The following PICALM variants were observed in gnomAD, a reference collection of about 807,000 sequenced individuals.
PICALM encodes phosphatidylinositol binding clathrin assembly protein, also known as phosphatidylinositol-binding clathrin assembly protein.
Under a neutral mutation model 80.5 loss-of-function variants are expected in PICALM, and 40 were observed. The ratio of observed to expected loss-of-function variants is 0.50; its 90% CI spans 0.39 to 0.65. The LOEUF (loss-of-function observed/expected upper bound fraction) is 0.65, where lower values mean the gene tolerates loss of function less well. PICALM is among the 30% of genes least tolerant of loss of function. The pLI is 0.00. For missense variants in PICALM, 676 were observed against 778.9 expected (o/e 0.87, Z 1.57); for synonymous variants, 288 against 260.3 (o/e 1.11, Z -1.02).
At chr11:86,006,904 G>T (rs1015023687) in intron 8 of PICALM, among the ~76,000 whole-genome samples, 4 of 152,074 alleles carry the variant, frequency 2.6e-5, no homozygotes, top group Non-Finnish European at 4.4e-5. Context: ...TGTGTTTAAT[G>T]CTCTAATTTT....
At chr11:86,043,988 C>T (rs2096021348) in intron 1 of PICALM, among the ~76,000 whole-genome samples, 1 of 152,172 alleles carries the variant, frequency 6.6e-6, no homozygotes, top group South Asian at 2.1e-4. Flanking sequence ...TTTCATGAAG[C>T]TTTGCAAACC....
At chr11:85,969,593 C>T (rs552574706) in intron 19 of PICALM, 197 of 339,648 alleles carry the variant, frequency 5.8e-4, no homozygotes, top group Middle Eastern at 2.3e-3. Flanking sequence ...TAGCATTCTA[C>T]GGACAAAATT....
intron 6 of PICALM, among the ~76,000 whole-genome samples, chr11:86,011,720 A>C (rs150336667): frequency 2.0e-3 from 309 of 152,284 alleles, no homozygotes; most frequent in African/African-American, 7.1e-3. Context: ...AAACAGATTT[A>C]AATTTTTTAA....
At chr11:86,015,086 A>G in intron 4 of PICALM, 123 bp from the exon 5 acceptor site, 1 of 625,516 alleles carries the variant, frequency 1.6e-6, no homozygotes, top group Non-Finnish European at 2.7e-6. Context: ...ACATATTTTT[A>G]AGTCATTATG....
intron 4 of PICALM, among the ~76,000 whole-genome samples, chr11:86,015,180 A>C (rs1274670469): frequency 6.6e-6 from 1 of 152,204 alleles, no homozygotes; most frequent in Admixed American, 6.5e-5. Context: ...ACTCATTTAG[A>C]ACTAAAAAAG....
Position 86,023,474 on chromosome 11 carries a change from G to C in PICALM, c.350-1005C>G, listed in dbSNP as rs2095600363. The stretch of plus-strand genomic sequence containing the variant: ...CATTCCTCAGCTCTTCGGTTCATAT[G>C]GTTCTATCTACTATACCCCATCCTA... On this transcript the variant is annotated intron_variant, in intron 3 of 19. Coordinates refer to ENST00000393346, the MANE Select transcript of PICALM (RefSeq NM_007166.4). 6 of 984,902 alleles carry C rather than the reference G, an allele frequency of 6.1e-6. No homozygotes were observed. The South Asian group carries it at 2.8e-4, about 46-fold the overall frequency. The allele number at this position is 984,902 out of a possible 1,614,324, so 61.0% of individuals were successfully genotyped here.
chr11:86,024,926 C>A (rs753461297), intron 3 of PICALM, among the ~76,000 whole-genome samples: 1 of 152,132 alleles, frequency 6.6e-6, no homozygotes, highest in Non-Finnish European at 1.5e-5. Context: ...AAAGACATTT[C>A]CCTGATTGAG....
intron 19 of PICALM, among the ~76,000 whole-genome samples, chr11:85,962,476 T>C (rs1056410007): frequency 3.9e-5 from 6 of 152,304 alleles, no homozygotes; most frequent in African/African-American, 1.2e-4. Context: ...TTCACCAGGG[T>C]AGCAGTCTGA....
intron 14 of PICALM, among the ~76,000 whole-genome samples, chr11:85,983,264 C>T (rs747154993): frequency 2.0e-5 from 3 of 152,160 alleles, no homozygotes; most frequent in Non-Finnish European, 2.9e-5. Flanking sequence ...CAAAGTTTTA[C>T]AGGCACTTCA....
chr11:85,972,928 TGAGA>T (rs2094155023), intron 19 of PICALM, among the ~76,000 whole-genome samples: 1 of 152,120 alleles, frequency 6.6e-6, no homozygotes, highest in Non-Finnish European at 1.5e-5. Flanking sequence ...AAACCAGTAA[TGAGA>T]TTACTGCTGG....
intron 1 of PICALM, among the ~76,000 whole-genome samples, chr11:86,060,128 T>C (rs635168): frequency 0.82 from 124,424 of 152,012 alleles, 51,121 homozygotes; most frequent in African/African-American, 0.89. Flanking sequence ...CAAAATTACT[T>C]TGAGAATTCA....
At chr11:86,003,339 CT>C in intron 9 of PICALM, 26 bp downstream of exon 9, 14 of 1,406,870 alleles carry the variant, frequency 1.0e-5, no homozygotes, top group East Asian at 4.6e-5. Context: ...ATCACTCTGG[CT>C]TTTTGGCCTA....
At chr11:85,996,951 G>A (rs766936638) in intron 11 of PICALM, 22 bp from the exon 12 acceptor site, 22 of 1,540,614 alleles carry the variant, frequency 1.4e-5, no homozygotes, top group Admixed American at 3.4e-5. Context: ...TTTTGGAAAC[G>A]TGTTTTATTT....
At chr11:86,017,055 C>T (rs980350529) in intron 4 of PICALM, among the ~76,000 whole-genome samples, 1 of 152,070 alleles carries the variant, frequency 6.6e-6, no homozygotes, top group Non-Finnish European at 1.5e-5. Context: ...AACCCCATCT[C>T]TACTAAAAAA....
chr11:85,974,567 G>A, intron 19 of PICALM, 141 bp downstream of exon 19: 4 of 727,330 alleles, frequency 5.5e-6, no homozygotes, highest in South Asian at 1.4e-5. Flanking sequence ...TCTTATATAA[G>A]AAAGATATGA....
At chr11:85,997,515 G>A (rs1421228212) in intron 11 of PICALM, among the ~76,000 whole-genome samples, 1 of 152,198 alleles carries the variant, frequency 6.6e-6, no homozygotes. Flanking sequence ...CTGTCGCCCA[G>A]GATGGAGTGC....
At chr11:85,982,859 T>C (rs1177597444) in intron 14 of PICALM, among the ~76,000 whole-genome samples, 1 of 152,166 alleles carries the variant, frequency 6.6e-6, no homozygotes, top group African/African-American at 2.4e-5. Context: ...CTTTAAGTTT[T>C]CCTCACCAAA....
chr11:85,974,425 G>A (rs762186814), intron 19 of PICALM: 3 of 558,186 alleles, frequency 5.4e-6, no homozygotes, highest in East Asian at 4.5e-5. Flanking sequence ...GAATCACGAA[G>A]AGCAAGTAGG....
chr11:85,984,563 A>G (rs664050), intron 13 of PICALM, among the ~76,000 whole-genome samples: 89,940 of 151,932 alleles, frequency 0.59, 26,800 homozygotes, highest in East Asian at 0.67. Context: ...AAAACATCAA[A>G]GAAAAAAGAT....
Sources: gnomAD v4.1 joint callset for allele counts (sites outside exome capture counted in the v4.1 genomes callset) on GRCh38, gnomAD v4.1.1 for gene constraint, MANE v1.5 for transcripts, NCBI Gene and HGNC (gene_info 2026-07-23, HGNC 2026-07-21) for gene names.